The following CACNA1A variants were observed in gnomAD, a reference collection of about 807,000 sequenced individuals.
CACNA1A encodes the protein calcium voltage-gated channel subunit alpha1 A, also known as voltage-dependent P/Q-type calcium channel subunit alpha-1A.
Under a neutral mutation model 262.4 loss-of-function variants are expected in CACNA1A, and 57 were observed. The observed-to-expected ratio is 0.22, with a 90% confidence interval of 0.18 to 0.27. The LOEUF is 0.27. CACNA1A is among the 10% of genes least tolerant of loss of function. The pLI, the probability that CACNA1A is intolerant of heterozygous loss-of-function variation, is 1.00. For missense variants in CACNA1A, 2,526 were observed against 3,562.8 expected (o/e 0.71, Z 7.41); for synonymous variants, 1,431 against 1,419.3 (o/e 1.01, Z -0.18).
At chr19:13,487,083 C>G (rs1177661101) in intron 1 of CACNA1A, among the ~76,000 whole-genome samples, 1 of 152,180 alleles carries the variant, frequency 6.6e-6, no homozygotes, top group East Asian at 1.9e-4. Flanking sequence ...CATCCCAGCT[C>G]CAGCATGGAC....
At chr19:13,323,942 C>T (rs1255519427) in intron 10 of CACNA1A, among the ~76,000 whole-genome samples, 8 of 152,208 alleles carry the variant, frequency 5.3e-5, no homozygotes, top group Non-Finnish European at 8.8e-5. Flanking sequence ...TGCACTCCCA[C>T]GTTCACTTCA....
chr19:13,209,176 G>T, intron 45 of CACNA1A, 136 bp downstream of exon 45: 1 of 1,318,032 alleles, frequency 7.6e-7, no homozygotes. Flanking sequence ...TCCTGCAGCT[G>T]CTGCCTGGCC....
At chr19:13,472,255 G>GCCA (rs1978286597) in intron 1 of CACNA1A, among the ~76,000 whole-genome samples, 1 of 152,004 alleles carries the variant, frequency 6.6e-6, no homozygotes. Context: ...ACAGGTGTGA[G>GCCA]CCACCATGCC....
At chr19:13,270,437 G>C (rs1409320712) in intron 24 of CACNA1A, among the ~76,000 whole-genome samples, 3 of 151,386 alleles carry the variant, frequency 2.0e-5, no homozygotes, top group Non-Finnish European at 2.9e-5. Context: ...GGAGAGTTCA[G>C]CGCTCAGGCT....
intron 3 of CACNA1A, among the ~76,000 whole-genome samples, chr19:13,393,853 T>C (rs1163919905): frequency 5.3e-5 from 7 of 132,566 alleles, no homozygotes; most frequent in African/African-American, 1.4e-4. Context: ...TCCGCCCCCA[T>C]TGCCCACGCT....
chr19:13,357,058 G>A (rs2059017814), intron 6 of CACNA1A, among the ~76,000 whole-genome samples: 1 of 152,194 alleles, frequency 6.6e-6, no homozygotes, highest in Non-Finnish European at 1.5e-5. Flanking sequence ...TGACATTCTT[G>A]TGCAGTGCGT....
intron 3 of CACNA1A, among the ~76,000 whole-genome samples, chr19:13,377,498 G>A (rs2059440850): frequency 6.6e-6 from 1 of 151,548 alleles, no homozygotes; most frequent in Non-Finnish European, 1.5e-5. Context: ...AAGTGGCTGG[G>A]ATTACAGTCA....
rs1376986137 is a variant in CACNA1A at position 13,241,350 on chromosome 19, G to C, written c.4950+3832C>G. On this transcript the variant is annotated intron_variant, in intron 31 of 46. Coordinates refer to ENST00000360228, the MANE Select transcript of CACNA1A (RefSeq NM_001127222.2). This position sits in a 1 kb window ranked among gnomAD's most constrained non-coding sequence, Gnocchi z 4.0. ...GAGACAGAGTCTACAGGAAGTGGGA[G>C]GCACAGGGGCTGGGGGCGGGAGGAC... Among the ~76,000 whole-genome samples, 2 of 152,172 alleles carry C rather than the reference G, an allele frequency of 1.3e-5. No homozygotes were observed. Among genetic ancestry groups the C allele is most frequent in the South Asian group, 4.1e-4 (2 of 4,828 alleles).
At chr19:13,489,451 G>A (rs1980493306) in intron 1 of CACNA1A, among the ~76,000 whole-genome samples, 1 of 151,956 alleles carries the variant, frequency 6.6e-6, no homozygotes, top group East Asian at 1.9e-4. Flanking sequence ...AACACCCTCG[G>A]CCAATTTTTG....
At chr19:13,287,251 C>A (rs538352005) in intron 19 of CACNA1A, among the ~76,000 whole-genome samples, 7 of 151,822 alleles carry the variant, frequency 4.6e-5, no homozygotes, top group African/African-American at 1.7e-4. Flanking sequence ...CTTGGGAGGC[C>A]GAAGTGGGAG....
chr19:13,284,812 A>G (rs1295172632), intron 21 of CACNA1A, among the ~76,000 whole-genome samples: 1 of 152,254 alleles, frequency 6.6e-6, no homozygotes, highest in African/African-American at 2.4e-5. Flanking sequence ...TTTATTTATG[A>G]CAAATTTGTT....
chr19:13,254,705 C>T (rs1407369529), intron 29 of CACNA1A, among the ~76,000 whole-genome samples: 1 of 152,128 alleles, frequency 6.6e-6, no homozygotes, highest in African/African-American at 2.4e-5. Flanking sequence ...CTTCTTGTTC[C>T]GTCTGAGCCA....
At chr19:13,468,620 C>G (rs759534531) in intron 1 of CACNA1A, among the ~76,000 whole-genome samples, 1 of 152,056 alleles carries the variant, frequency 6.6e-6, no homozygotes, top group Non-Finnish European at 1.5e-5. Flanking sequence ...AACCCTGTCT[C>G]CACTAAAAAT....
intron 1 of CACNA1A, among the ~76,000 whole-genome samples, chr19:13,480,231 T>G (rs1979105247): frequency 6.6e-6 from 1 of 152,134 alleles, no homozygotes; most frequent in Non-Finnish European, 1.5e-5. Context: ...CCCTTCCACC[T>G]CCACCTCTGC....
intron 3 of CACNA1A, among the ~76,000 whole-genome samples, chr19:13,386,493 C>A (rs925748245): frequency 6.6e-6 from 1 of 151,914 alleles, no homozygotes; most frequent in African/African-American, 2.4e-5. Flanking sequence ...TACCTTAGAA[C>A]TGAGGCAGTC....
At chr19:13,247,561 G>A (rs1054450520) in intron 30 of CACNA1A, among the ~76,000 whole-genome samples, 1 of 152,002 alleles carries the variant, frequency 6.6e-6, no homozygotes, top group Non-Finnish European at 1.5e-5. Flanking sequence ...TCAGGCAGGC[G>A]TGGTGGTGCG....
chr19:13,319,739 C>T (rs1360907274), intron 10 of CACNA1A, among the ~76,000 whole-genome samples: 2 of 152,166 alleles, frequency 1.3e-5, no homozygotes, highest in African/African-American at 2.4e-5. Flanking sequence ...TAACAGCTGA[C>T]GTTTATGGAA....
intron 38 of CACNA1A, among the ~76,000 whole-genome samples, chr19:13,221,632 CAG>C (rs2055236404): frequency 6.6e-6 from 1 of 152,110 alleles, no homozygotes; most frequent in Non-Finnish European, 1.5e-5. Context: ...GCACTCCAGA[CAG>C]GGGACCCCTG....
intron 19 of CACNA1A, among the ~76,000 whole-genome samples, chr19:13,288,296 G>C (rs1285650176): frequency 6.6e-6 from 1 of 151,006 alleles, no homozygotes. Flanking sequence ...CTGGAGTGCA[G>C]TGGCAGGATC....
Sources: allele counts gnomAD v4.1 joint callset (sites outside exome capture counted in the v4.1 genomes callset), GRCh38; gene constraint gnomAD v4.1.1; non-coding constraint Gnocchi (gnomAD v3.1); transcripts MANE v1.5; gene names NCBI Gene and HGNC (gene_info 2026-07-23, HGNC 2026-07-21).